The following RAB11FIP4 variants were observed in gnomAD, a reference collection of about 807,000 sequenced individuals.
RAB11FIP4 encodes the protein rab11 family-interacting protein 4.
A neutral mutation model predicts 74.3 loss-of-function variants in RAB11FIP4; 23 were observed. The observed-to-expected ratio is 0.31, with a 90% CI of 0.22 to 0.44. The LOEUF is 0.44. Ranked by LOEUF, RAB11FIP4 falls within the 20% of genes least tolerant of loss-of-function variation. RAB11FIP4 has a pLI of 1.00. For synonymous variants in RAB11FIP4, 360 were observed against 359.9 expected (o/e 1.00, Z 0.00); for missense variants, 630 against 863.9 (o/e 0.73, Z 3.39).
At chr17:31,475,907 G>A (rs755339111) in intron 3 of RAB11FIP4, among the ~76,000 whole-genome samples, 34 of 151,664 alleles carry the variant, frequency 2.2e-4, no homozygotes, top group Non-Finnish European at 1.0e-4. Flanking sequence ...AATAACGACT[G>A]AGTGTTAGAT....
intron 1 of RAB11FIP4, among the ~76,000 whole-genome samples, chr17:31,431,228 G>A (rs1041344590): frequency 3.3e-5 from 5 of 152,240 alleles, no homozygotes; most frequent in African/African-American, 9.6e-5. Flanking sequence ...AACTGTTTCT[G>A]TCCTACCTCC....
intron 3 of RAB11FIP4, among the ~76,000 whole-genome samples, chr17:31,510,803 TG>T (rs1415815276): frequency 1.3e-5 from 2 of 151,976 alleles, no homozygotes; most frequent in Non-Finnish European, 2.9e-5. Context: ...AGGGGCTGGA[TG>T]GGAGCCAGGA....
chr17:31,409,611 C>T (rs756244192), intron 1 of RAB11FIP4, among the ~76,000 whole-genome samples: 3 of 152,164 alleles, frequency 2.0e-5, no homozygotes, highest in Non-Finnish European at 2.9e-5. Context: ...TTAGCCCAAG[C>T]TCTCTTGGTT....
At chr17:31,405,196 G>A (rs1380183454) in intron 1 of RAB11FIP4, among the ~76,000 whole-genome samples, 3 of 152,060 alleles carry the variant, frequency 2.0e-5, no homozygotes, top group Non-Finnish European at 4.4e-5. Flanking sequence ...GAAGGGGAGG[G>A]TCAGAGGGAG....
At chr17:31,392,307 C>T (rs2070882094) in intron 1 of RAB11FIP4, 2 of 251,450 alleles carry the variant, frequency 8.0e-6, no homozygotes, top group South Asian at 3.5e-4. Context: ...TCTGCACATC[C>T]ACCCTTGTCT....
chr17:31,467,407 C>T (rs533437291), intron 3 of RAB11FIP4, among the ~76,000 whole-genome samples: 4 of 152,300 alleles, frequency 2.6e-5, no homozygotes, highest in East Asian at 1.9e-4. Context: ...GCGTGAGCCA[C>T]GGTGCCTAGC....
At position 31,405,598 on chromosome 17, in the gene RAB11FIP4, C is replaced by A. The variant is rs144816648; in HGVS notation, c.159+13587C>A. Among the ~76,000 whole-genome samples, 618 of 152,268 alleles carry A rather than the reference C, an allele frequency of 4.1e-3. 4 individuals are homozygous for A. Among genetic ancestry groups the A allele is most frequent in the African/African-American group, 0.014 (582 of 41,544 alleles). ...GTGTTGGCAAGGCTGGTCTGGAACT[C>A]CTGACCTCAGGCGATCCGCCCTCCT... On this transcript the variant is annotated intron_variant, in intron 1 of 14. Coordinates refer to ENST00000621161, the MANE Select transcript of RAB11FIP4 (RefSeq NM_032932.6).
At chr17:31,522,089 G>T (rs1235629328) in intron 6 of RAB11FIP4, 40 bp downstream of exon 6, 1 of 1,612,614 alleles carries the variant, frequency 6.2e-7, no homozygotes, top group Non-Finnish European at 8.5e-7. Context: ...AGGCCGGGGG[G>T]CCAGGGCAGG....
rs187970172 is a variant in RAB11FIP4, at chr17:31,522,621, C to G, written c.929+226C>G. The G allele has an allele frequency of 7.3e-4, 391 of 538,424 alleles. 1 individual carries two copies. Among genetic ancestry groups the G allele is most frequent in the Middle Eastern group, 5.9e-3 (13 of 2,188 alleles). The allele number at this position is 538,424 out of a possible 1,614,324, so 33.4% of individuals were successfully genotyped here. The stretch of plus-strand genomic sequence containing the variant: ...CCACCCCTTGTCCCTTCTTCAAATC[C>G]TAGGTCACCTTGACTTCAGGCAGGC... On this transcript the variant is annotated intron_variant, in intron 7 of 14. Transcript: ENST00000621161.
Position 31,532,781 on chromosome 17 carries a change from C to T in RAB11FIP4, c.*1049C>T, listed in dbSNP as rs548642441. On this transcript the variant is annotated 3_prime_UTR_variant, in exon 15 of 15. Coordinates refer to ENST00000621161, the MANE Select transcript of RAB11FIP4 (RefSeq NM_032932.6). ...TGGCAGCAAGACTGCTTCGTTCCAG[C>T]GTTTAGAAACACACCTGTATTTGAT... 10 of 152,224 alleles carry T rather than the reference C, an allele frequency of 6.6e-5. No individual in the cohort carries two copies. The highest frequency in any genetic ancestry group is 1.2e-4 in the African/African-American group (5 of 41,498). The allele number at this position is 152,224 out of a possible 1,614,324, so 9.4% of individuals were successfully genotyped here.
At chr17:31,451,717 T>G (rs1375247996) in intron 3 of RAB11FIP4, among the ~76,000 whole-genome samples, 1 of 152,044 alleles carries the variant, frequency 6.6e-6, no homozygotes, top group African/African-American at 2.4e-5. Flanking sequence ...CCTAGAACCC[T>G]TGTCCCCCAA....
intron 1 of RAB11FIP4, among the ~76,000 whole-genome samples, chr17:31,406,154 C>T (rs2071039521): frequency 6.6e-6 from 1 of 152,216 alleles, no homozygotes; most frequent in South Asian, 2.1e-4. Flanking sequence ...CTCCAGAGGG[C>T]GGAAGGGGGG....
chr17:31,495,914 G>A (rs1470044828), intron 3 of RAB11FIP4, among the ~76,000 whole-genome samples: 3 of 152,110 alleles, frequency 2.0e-5, no homozygotes, highest in Non-Finnish European at 4.4e-5. Flanking sequence ...ACACTTACAT[G>A]GTATTTTCTG....
At chr17:31,527,078 T>C (rs1007283685) in intron 10 of RAB11FIP4, 1 of 152,238 alleles carries the variant, frequency 6.6e-6, no homozygotes, top group African/African-American at 2.4e-5. Context: ...GGAGGTGCAG[T>C]GAGCGCTCAG....
intron 3 of RAB11FIP4, among the ~76,000 whole-genome samples, chr17:31,492,822 G>A (rs1157877510): frequency 3.3e-5 from 5 of 151,588 alleles, no homozygotes; most frequent in Admixed American, 1.3e-4. Flanking sequence ...GGTCCCGAGC[G>A]TCTTGGTGCT....
intron 1 of RAB11FIP4, among the ~76,000 whole-genome samples, chr17:31,427,874 C>T (rs1351904937): frequency 6.6e-6 from 1 of 152,146 alleles, no homozygotes; most frequent in Non-Finnish European, 1.5e-5. Flanking sequence ...TCAGAAGCCA[C>T]GTCATTGCCT....
rs996030169 is a variant in RAB11FIP4 at position 31,512,398 on chromosome 17, AC to A, written c.337-5250del. On this transcript the variant is annotated intron_variant, in intron 3 of 14. Coordinates refer to ENST00000621161, the MANE Select transcript of RAB11FIP4 (RefSeq NM_032932.6). The surrounding 1 kb of genome is among the most constrained non-coding windows in gnomAD (Gnocchi z 4.1). ...AGTGGCTGGGCCAGCAGGGCCGGAA[AC>A]CCAGACTGCTAGGCCCCAGAGCTGA... Among the ~76,000 whole-genome samples the A allele has an allele frequency of 6.6e-6, 1 of 152,020 alleles. No individual in the cohort carries two copies. Among genetic ancestry groups the A allele is most frequent in the Non-Finnish European group, 1.5e-5 (1 of 67,976 alleles).
At chr17:31,496,826 C>G (rs1286712187) in intron 3 of RAB11FIP4, among the ~76,000 whole-genome samples, 2 of 152,202 alleles carry the variant, frequency 1.3e-5, no homozygotes, top group African/African-American at 4.8e-5. Context: ...TGAGTCCACT[C>G]CAGTGCACAG....
intron 3 of RAB11FIP4, among the ~76,000 whole-genome samples, chr17:31,449,370 C>G (rs1237593092): frequency 1.3e-5 from 2 of 152,178 alleles, no homozygotes; most frequent in Non-Finnish European, 2.9e-5. Flanking sequence ...CATAATAATG[C>G]CCTTCCCATG....
Sources: gnomAD v4.1 joint callset for allele counts (sites outside exome capture counted in the v4.1 genomes callset) on GRCh38, gnomAD v4.1.1 for gene constraint, Gnocchi (gnomAD v3.1) non-coding constraint, MANE v1.5 for transcripts, NCBI Gene and HGNC (gene_info 2026-07-23, HGNC 2026-07-21) for gene names.